Variants in RAB18 observed in about 807,000 individuals in gnomAD.
RAB18 encodes ras-related protein Rab-18.
RAB18 carries 10 observed loss-of-function variants against 28.5 expected under a neutral mutation model. The observed-to-expected ratio is 0.35, with a 90% CI of 0.22 to 0.60. RAB18 has a LOEUF of 0.60. RAB18 is among the 20% of genes least tolerant of loss of function. The probability of loss-of-function intolerance (pLI) is 0.78; values close to 1 mark genes in which losing one functional copy is unlikely to be tolerated. For missense variants in RAB18, 188 were observed against 244.2 expected (o/e 0.77, Z 1.53); for synonymous variants, 93 against 86.9 (o/e 1.07, Z -0.39).
Position 27,533,722 on chromosome 10 carries a change from C to A in RAB18, c.260-13C>A. On this transcript the variant is annotated splice_polypyrimidine_tract_variant and intron_variant, in intron 4 of 6. Transcript: ENST00000356940. ...TTTAATGCTTATTTAACAAATGACTCCTTTTATTTCAGTTTATGATGTCAC... is the reference window on the plus strand; with the variant it reads ...TTTAATGCTTATTTAACAAATGACTACTTTTATTTCAGTTTATGATGTCAC... The A allele has an allele frequency of 6.2e-7, 1 of 1,611,192 alleles. No homozygotes were observed. Among genetic ancestry groups the A allele is most frequent in the South Asian group, 1.1e-5 (1 of 90,600 alleles).
intron 1 of RAB18, chr10:27,505,021 C>G (rs1192193855): frequency 3.7e-6 from 2 of 533,520 alleles, no homozygotes; most frequent in South Asian, 2.8e-5. Context: ...TGGAAAATTT[C>G]GCTTTAGTGT....
Position 27,537,094 on chromosome 10 carries a change from G to T in RAB18, c.446-782G>T, listed in dbSNP as rs138090000. 9.2e-5 allele frequency among the ~76,000 whole-genome samples: 14 copies of T among 152,306 alleles called. No homozygotes were observed. The East Asian group carries it at 2.7e-3, about 29-fold the overall frequency. On this transcript the variant is annotated intron_variant, in intron 6 of 6. Coordinates refer to ENST00000356940, the MANE Select transcript of RAB18 (RefSeq NM_021252.5). ...TGAATGAGAAGGGATGGGACTCCAG[G>T]AACAAAAGAAGGCGATGGCTTGGAT...
At chr10:27,521,797 G>T (rs893497945) in intron 2 of RAB18, among the ~76,000 whole-genome samples, 3 of 151,424 alleles carry the variant, frequency 2.0e-5, no homozygotes, top group Non-Finnish European at 4.4e-5. Context: ...TTACCCTAAA[G>T]AACTTATCCA....
chr10:27,537,764 G>T, intron 6 of RAB18, 112 bp from the exon 7 acceptor site: 2 of 904,970 alleles, frequency 2.2e-6, no homozygotes, highest in Non-Finnish European at 1.7e-6. Context: ...TTGCTGATTT[G>T]GATCTTAATA....
chr10:27,539,578 CAT>C lies in RAB18; in HGVS notation c.*1528_*1529del. The C allele has an allele frequency of 4.6e-6, 2 of 434,076 alleles. No homozygotes were observed. The highest frequency in any genetic ancestry group is 9.1e-6 in the Non-Finnish European group (2 of 220,242). 26.9% of individuals were successfully genotyped at this position (434,076 alleles called of 1,614,324 possible). A position where few individuals can be genotyped will look rare whatever the true frequency, so the allele number is the denominator to read the frequency against. ...GAAATTTGGAGAAAGAACACTAACA[CAT>C]GTACTTGTGATTTGTTCATGTTATA... is the stretch of plus-strand genomic sequence containing the variant. On this transcript the variant is annotated 3_prime_UTR_variant, in exon 7 of 7. Transcript: ENST00000356940.
intron 6 of RAB18, among the ~76,000 whole-genome samples, chr10:27,536,606 G>A (rs1230842032): frequency 1.3e-5 from 2 of 152,188 alleles, no homozygotes; most frequent in Admixed American, 6.5e-5. Context: ...TTAGAGGTCA[G>A]CAGAAAGAGG....
chr10:27,518,655 CT>C (rs1245410990), intron 2 of RAB18, among the ~76,000 whole-genome samples: 19 of 151,772 alleles, frequency 1.3e-4, no homozygotes, highest in Admixed American at 4.6e-4. Flanking sequence ...AAAATATATT[CT>C]GCATTTAAGT....
At chr10:27,510,012 C>G in intron 2 of RAB18, 82 bp downstream of exon 2, 3 of 1,009,580 alleles carry the variant, frequency 3.0e-6, no homozygotes, top group Non-Finnish European at 4.7e-6. Flanking sequence ...CTTCTACCTT[C>G]CTCTCACCAC....
rs1184837380 is a variant in RAB18, at chr10:27,540,747, TC to T, written c.*2697del. On this transcript the variant is annotated 3_prime_UTR_variant, in exon 7 of 7. Transcript: ENST00000356940. ...AAAACTGAAATCTGGGGTGATGTTT[TC>T]ATTTCATGTATTTGATTGCCATCCA... The T allele has an allele frequency of 1.1e-5, 5 of 453,994 alleles. No homozygotes were observed. The highest frequency in any genetic ancestry group is 1.6e-5 in the South Asian group (1 of 64,478). 28.1% of individuals were successfully genotyped at this position (453,994 alleles called of 1,614,324 possible). A position where few individuals can be genotyped will look rare whatever the true frequency, so the allele number is the denominator to read the frequency against.
At chr10:27,527,705 C>T (rs1307970201) in intron 3 of RAB18, among the ~76,000 whole-genome samples, 1 of 151,858 alleles carries the variant, frequency 6.6e-6, no homozygotes, top group Non-Finnish European at 1.5e-5. Flanking sequence ...GTCATCAAAT[C>T]GAGACTTATT....
In RAB18 at chr10:27,541,033, T is replaced by C. The variant is rs771269679; in HGVS notation, c.*2982T>C. 11 of 453,062 alleles carry C rather than the reference T, an allele frequency of 2.4e-5. No homozygotes were observed. Among genetic ancestry groups the C allele is most frequent in the Middle Eastern group, 6.9e-4 (1 of 1,440 alleles). The allele number at this position is 453,062 out of a possible 1,614,324, so 28.1% of individuals were successfully genotyped here. ...TATTTTTTTCAAATGAACTCAACAA[T>C]TCTTCAGGTATTATAGATCAGAGAT... On this transcript the variant is annotated 3_prime_UTR_variant, in exon 7 of 7. Transcript: ENST00000356940.
At chr10:27,504,527 A>G (rs1837753745) in intron 1 of RAB18, 90 bp downstream of exon 1, 1 of 1,425,566 alleles carries the variant, frequency 7.0e-7, no homozygotes, top group East Asian at 2.5e-5. Context: ...GGAACTGTAA[A>G]CTGCAGCGGC....
chr10:27,523,187 GTTTTTC>G (rs986276748), intron 2 of RAB18, among the ~76,000 whole-genome samples: 3 of 136,538 alleles, frequency 2.2e-5, no homozygotes, highest in African/African-American at 8.2e-5. Context: ...TTTTGATGTT[GTTTTTC>G]TTTTTGTTTA....
At chr10:27,533,312 G>C (rs549527347) in intron 4 of RAB18, among the ~76,000 whole-genome samples, 1 of 151,598 alleles carries the variant, frequency 6.6e-6, no homozygotes, top group Admixed American at 6.6e-5. Flanking sequence ...GTAAATTTTG[G>C]TTCTTGTAAT....
intron 1 of RAB18, 78 bp from the exon 2 acceptor site, chr10:27,509,797 A>G: frequency 8.3e-7 from 1 of 1,200,828 alleles, no homozygotes; most frequent in Non-Finnish European, 1.2e-6. Context: ...ATAATTTGTG[A>G]CCAAATAATC....
In RAB18 at chr10:27,538,583, C is replaced by G; in HGVS notation, c.*532C>G. 1 of 454,418 alleles carries G rather than the reference C, an allele frequency of 2.2e-6. No individual in the cohort carries two copies. The highest frequency in any genetic ancestry group is 4.4e-6 in the Non-Finnish European group (1 of 226,776). 28.1% of individuals were successfully genotyped at this position (454,418 alleles called of 1,614,324 possible). On this transcript the variant is annotated 3_prime_UTR_variant, in exon 7 of 7. Transcript: ENST00000356940. ...TTCTCATCACAGAATGTAGCCCAGG[C>G]CAATTTATAACTAAATCTCTATTTG...
At chr10:27,535,381 G>T (rs1834872804) in intron 6 of RAB18, among the ~76,000 whole-genome samples, 1 of 152,180 alleles carries the variant, frequency 6.6e-6, no homozygotes, top group Non-Finnish European at 1.5e-5. Flanking sequence ...AGTCTAGAGG[G>T]AGATCATCTC....
intron 3 of RAB18, among the ~76,000 whole-genome samples, chr10:27,530,288 A>G (rs1834760642): frequency 6.6e-6 from 1 of 152,040 alleles, no homozygotes; most frequent in Non-Finnish European, 1.5e-5. Flanking sequence ...CATGTATGGA[A>G]AAATAGCTGC....
chr10:27,512,281 A>G (rs1834339867), intron 2 of RAB18, among the ~76,000 whole-genome samples: 1 of 151,656 alleles, frequency 6.6e-6, no homozygotes, highest in Non-Finnish European at 1.5e-5. Context: ...GCTTTGTTGT[A>G]TTATAATAAT....
Sources: allele counts gnomAD v4.1 joint callset (sites outside exome capture counted in the v4.1 genomes callset), GRCh38; gene constraint gnomAD v4.1.1; transcripts MANE v1.5; gene names NCBI Gene and HGNC (gene_info 2026-07-23, HGNC 2026-07-21).